Variants in RBM34 observed in about 807,000 individuals in gnomAD.
RBM34 encodes RNA binding motif protein 34.
Under a neutral mutation model 44.6 loss-of-function variants are expected in RBM34, and 39 were observed. The ratio of observed to expected loss-of-function variants is 0.87; its 90% CI spans 0.68 to 1.14. The LOEUF is 1.14. Ranked by LOEUF, RBM34 falls within the 50% of genes most tolerant of loss-of-function variation. RBM34 has a pLI of 0.00. For synonymous variants in RBM34, 194 were observed against 184.0 expected (o/e 1.05, Z -0.44); for missense variants, 572 against 517.9 (o/e 1.10, Z -1.01).
At chr1:235,149,152 G>C (rs1488950552) in intron 5 of RBM34, among the ~76,000 whole-genome samples, 3 of 151,666 alleles carry the variant, frequency 2.0e-5, no homozygotes, top group Non-Finnish European at 4.4e-5. Flanking sequence ...ACTTTGGGAG[G>C]CCAAGGCGGG....
At chr1:235,137,743 C>T in intron 8 of RBM34, 134 bp downstream of exon 8, 1 of 631,528 alleles carries the variant, frequency 1.6e-6, no homozygotes, top group Non-Finnish European at 2.7e-6. Flanking sequence ...ACTCTGTAAC[C>T]ACAGAGGACA....
chr1:235,160,379 G>T, intron 3 of RBM34, 132 bp downstream of exon 3: 2 of 1,186,186 alleles, frequency 1.7e-6, no homozygotes, highest in Non-Finnish European at 2.4e-6. Flanking sequence ...TTTTCTATAT[G>T]TACTGGATTT....
At chr1:235,153,354 T>G (rs1316836638) in intron 4 of RBM34, among the ~76,000 whole-genome samples, 1 of 152,122 alleles carries the variant, frequency 6.6e-6, no homozygotes, top group African/African-American at 2.4e-5. Context: ...TTATCACATG[T>G]AAATTAAGGA....
At chr1:235,132,131 C>T in intron 10 of RBM34, 134 bp from the exon 11 acceptor site, 1 of 764,198 alleles carries the variant, frequency 1.3e-6, no homozygotes, top group Non-Finnish European at 2.0e-6. Flanking sequence ...CCAGGTGTAT[C>T]AGCTGCTGCA....
At chr1:235,158,503 C>CAAA (rs67623660) in intron 3 of RBM34, among the ~76,000 whole-genome samples, 1 of 151,412 alleles carries the variant, frequency 6.6e-6, no homozygotes, top group East Asian at 2.0e-4. Flanking sequence ...CCTAAAAAGG[C>CAAA]AGAACATATG....
Position 235,147,155 on chromosome 1 carries a change from C to T in RBM34, c.701+1249G>A, listed in dbSNP as rs190492977. Among the ~76,000 whole-genome samples, 3 of 152,236 alleles carry T rather than the reference C, an allele frequency of 2.0e-5. No individual in the cohort carries two copies. In the East Asian group the frequency reaches 5.8e-4, roughly 29 times the overall value. On this transcript the variant is annotated intron_variant, in intron 6 of 10. Transcript: ENST00000408888. ...CTGAGATGGAAGCATCACTTGAGCC[C>T]AAAAGTTTAAGGCTACAGTGAGCCA...
intron 6 of RBM34, among the ~76,000 whole-genome samples, chr1:235,141,954 C>G (rs933198387): frequency 6.6e-6 from 1 of 152,206 alleles, no homozygotes; most frequent in Admixed American, 6.5e-5. Flanking sequence ...GTCAGTGAGA[C>G]CAAGAACCCA....
intron 6 of RBM34, among the ~76,000 whole-genome samples, chr1:235,142,070 G>A (rs867664447): frequency 1.3e-5 from 2 of 152,152 alleles, no homozygotes; most frequent in Non-Finnish European, 2.9e-5. Flanking sequence ...ACAGCCGGAG[G>A]AAGGGAGGAG....
At chr1:235,139,314 T>C (rs1244274547) in intron 6 of RBM34, among the ~76,000 whole-genome samples, 6 of 152,348 alleles carry the variant, frequency 3.9e-5, no homozygotes, top group East Asian at 3.9e-4. Flanking sequence ...ACTATACTAA[T>C]GCTTTTGTAT....
chr1:235,155,850 T>TATAC (rs1266368223), intron 3 of RBM34, among the ~76,000 whole-genome samples: 9 of 28,812 alleles, frequency 3.1e-4, no homozygotes, highest in Non-Finnish European at 4.2e-4. Context: ...TATATATATA[T>TATAC]ATATATATAT....
At chr1:235,155,456 C>T (rs1263102748) in intron 3 of RBM34, among the ~76,000 whole-genome samples, 3 of 151,148 alleles carry the variant, frequency 2.0e-5, no homozygotes, top group East Asian at 1.9e-4. Flanking sequence ...ATCCTCCCAC[C>T]TCAGCCTCCC....
chr1:235,131,654 AGAT>A lies in RBM34; in HGVS notation c.*56_*58del, dbSNP rs1661201133. The A allele has an allele frequency of 6.7e-7, 1 of 1,485,306 alleles. No individual in the cohort carries two copies. Among genetic ancestry groups the A allele is most frequent in the African/African-American group, 1.4e-5 (1 of 70,994 alleles). 92.0% of individuals were successfully genotyped at this position (1,485,306 alleles called of 1,614,324 possible). A position where few individuals can be genotyped will look rare whatever the true frequency, so the allele number is the denominator to read the frequency against. The stretch of plus-strand genomic sequence containing the variant: ...ATGAATAGCAGACGATGCTATCAGC[AGAT>A]AATAGCACTTTTATTAGCAGTACTC... On this transcript the variant is annotated 3_prime_UTR_variant, in exon 11 of 11. Transcript: ENST00000408888.
At chr1:235,156,264 A>G (rs1046273537) in intron 3 of RBM34, among the ~76,000 whole-genome samples, 9 of 152,098 alleles carry the variant, frequency 5.9e-5, no homozygotes, top group Admixed American at 5.9e-4. Flanking sequence ...TCAGCCTCCC[A>G]AAGTGCTAGG....
Position 235,131,209 on chromosome 1 carries a change from G to C in RBM34, c.*504C>G, listed in dbSNP as rs958877869. On this transcript the variant is annotated 3_prime_UTR_variant, in exon 11 of 11. Transcript: ENST00000408888. ...AAGGTTAAGAGCAGAGGTTTAATAG[G>C]CAAAAGAGAAAGGAGGCTTGGGTGC... 2 of 153,760 alleles carry C rather than the reference G, an allele frequency of 1.3e-5. No homozygotes were observed. Among genetic ancestry groups the C allele is most frequent in the African/African-American group, 4.8e-5 (2 of 41,412 alleles). The allele number at this position is 153,760 out of a possible 1,614,324, so 9.5% of individuals were successfully genotyped here.
At chr1:235,133,914 G>A (rs1661309862) in intron 10 of RBM34, among the ~76,000 whole-genome samples, 6 of 152,152 alleles carry the variant, frequency 3.9e-5, no homozygotes, top group Admixed American at 2.0e-4. Flanking sequence ...TTCGGCTGGA[G>A]TGCAGTGGTG....
intron 8 of RBM34, among the ~76,000 whole-genome samples, chr1:235,137,283 T>C (rs750055013): frequency 2.3e-4 from 35 of 152,220 alleles, no homozygotes; most frequent in Admixed American, 3.3e-4. Flanking sequence ...TAATGAATAA[T>C]TGAACTTTCT....
intron 5 of RBM34, among the ~76,000 whole-genome samples, chr1:235,151,578 G>A (rs1662159536): frequency 6.6e-6 from 1 of 152,124 alleles, no homozygotes; most frequent in African/African-American, 2.4e-5. Flanking sequence ...AGGTGCAGGA[G>A]GTGCTACCAG....
intron 5 of RBM34, chr1:235,152,392 C>G (rs1558146837): frequency 1.2e-6 from 1 of 809,588 alleles, no homozygotes; most frequent in Non-Finnish European, 1.5e-6. Flanking sequence ...GCCTAGGATT[C>G]CAGCAATGAT....
At chr1:235,158,827 C>T (rs576796037) in intron 3 of RBM34, among the ~76,000 whole-genome samples, 100 of 152,008 alleles carry the variant, frequency 6.6e-4, no homozygotes, top group Non-Finnish European at 1.2e-3. Context: ...TGTTAAACAA[C>T]GTTATGCTGG....
Sources: allele counts gnomAD v4.1 joint callset (sites outside exome capture counted in the v4.1 genomes callset), GRCh38; gene constraint gnomAD v4.1.1; transcripts MANE v1.5; gene names NCBI Gene and HGNC (gene_info 2026-07-23, HGNC 2026-07-21).